Variants in ASXL2 observed in about 807,000 individuals in gnomAD.
ASXL2 encodes the protein putative Polycomb group protein ASXL2.
Under a neutral mutation model 122.0 loss-of-function variants are expected in ASXL2, and 23 were observed. That is an observed-to-expected ratio of 0.19 (90% confidence interval 0.14 to 0.27). The LOEUF is 0.27. Among genes scored for constraint, ASXL2 ranks in the 10% least tolerant of loss-of-function variants. The probability of loss-of-function intolerance (pLI) is 1.00; values close to 1 mark genes in which losing one functional copy is unlikely to be tolerated. For synonymous variants in ASXL2, 650 were observed against 637.0 expected (o/e 1.02, Z -0.31); for missense variants, 1,518 against 1,713.8 (o/e 0.89, Z 2.02).
At chr2:25,801,440 AATT>A (rs2088995196) in intron 4 of ASXL2, among the ~76,000 whole-genome samples, 1 of 152,144 alleles carries the variant, frequency 6.6e-6, no homozygotes, top group African/African-American at 2.4e-5. Flanking sequence ...TTTTCATTTA[AATT>A]TATGTCCTAG....
In ASXL2 at chr2:25,744,018, T is replaced by C; in HGVS notation, c.2319A>G (p.Leu773=). 6.2e-7 allele frequency: 1 copy of C among 1,613,958 alleles called. No homozygotes were observed. The highest frequency in any genetic ancestry group is 8.5e-7 in the Non-Finnish European group (1 of 1,179,856). The part of the protein sequence containing the change: ...AQPHSVSGAQ[L]QQTPPVPPTP... ...TTGGAGGCACTGGGGGGGTTTGCTG[T>C]AGTTGTGCTCCAGAGACACTATGAG... The change falls in exon 13 of 13, where the codon CTA becomes CTG. Residue 773 remains leucine, a synonymous_variant. Transcript: ENST00000435504. The surrounding 1 kb of genome is among the most constrained non-coding windows in gnomAD (Gnocchi z 4.7).
chr2:25,807,571 G>A (rs776544414), intron 3 of ASXL2, among the ~76,000 whole-genome samples: 2 of 151,944 alleles, frequency 1.3e-5, no homozygotes, highest in African/African-American at 2.4e-5. Context: ...CCCAAAGTTT[G>A]TATCAAATAA....
At chr2:25,840,227 G>A (rs1023122129) in intron 2 of ASXL2, among the ~76,000 whole-genome samples, 9 of 152,068 alleles carry the variant, frequency 5.9e-5, no homozygotes, top group Non-Finnish European at 8.8e-5. Flanking sequence ...AGGAATTCAC[G>A]TTTCTAATTA....
intron 5 of ASXL2, among the ~76,000 whole-genome samples, chr2:25,793,782 A>G (rs1256210107): frequency 6.6e-6 from 1 of 152,112 alleles, no homozygotes; most frequent in Non-Finnish European, 1.5e-5. Context: ...ACCAAGTGCA[A>G]TCTACTCCAA....
chr2:25,775,125 C>T (rs2088524563), intron 5 of ASXL2, among the ~76,000 whole-genome samples: 1 of 144,704 alleles, frequency 6.9e-6, no homozygotes, highest in Non-Finnish European at 1.6e-5. Context: ...ACTCAAATCT[C>T]ATCTTTTTTT....
At chr2:25,847,617 C>G (rs907213891) in intron 1 of ASXL2, among the ~76,000 whole-genome samples, 1 of 152,140 alleles carries the variant, frequency 6.6e-6, no homozygotes, top group African/African-American at 2.4e-5. Context: ...CAGAAAACTT[C>G]TATTTATTTA....
chr2:25,786,243 C>CT lies in ASXL2; in HGVS notation c.403+13141dup, dbSNP rs370316025. 4.0e-4 allele frequency among the ~76,000 whole-genome samples: 45 copies of CT among 112,420 alleles called. 1 individual carries two copies. The highest frequency in any genetic ancestry group is 5.3e-4 in the Non-Finnish European group (32 of 60,332). The allele number at this position is 112,420 out of a possible 152,430, so 73.8% of individuals were successfully genotyped here. A position where few individuals can be genotyped will look rare whatever the true frequency, so the allele number is the denominator to read the frequency against. On this transcript the variant is annotated intron_variant, in intron 5 of 12. Coordinates refer to ENST00000435504, the MANE Select transcript of ASXL2 (RefSeq NM_018263.6). ...AAACAACCTACTACTCCACATCATT[C>CT]TTTTTTTTTTTTTTTTGAGATGGAG...
chr2:25,792,158 G>C (rs1003762549), intron 5 of ASXL2, among the ~76,000 whole-genome samples: 1 of 152,046 alleles, frequency 6.6e-6, no homozygotes, highest in Non-Finnish European at 1.5e-5. Flanking sequence ...CACCACATTC[G>C]GCTAATTTTA....
intron 2 of ASXL2, among the ~76,000 whole-genome samples, chr2:25,841,317 C>T (rs2089575633): frequency 6.6e-6 from 1 of 152,090 alleles, no homozygotes; most frequent in Admixed American, 6.5e-5. Context: ...TGCCATTTGA[C>T]ACATCACGGC....
intron 5 of ASXL2, among the ~76,000 whole-genome samples, chr2:25,783,948 G>A (rs954599481): frequency 1.3e-5 from 2 of 152,002 alleles, no homozygotes; most frequent in Non-Finnish European, 2.9e-5. Context: ...CAGCTACTTG[G>A]GAGGCTGAGG....
intron 1 of ASXL2, among the ~76,000 whole-genome samples, chr2:25,876,923 TA>T (rs1379856554): frequency 6.6e-6 from 1 of 152,160 alleles, no homozygotes; most frequent in African/African-American, 2.4e-5. Flanking sequence ...CAAGACTGAA[TA>T]AACAGTATGA....
intron 3 of ASXL2, among the ~76,000 whole-genome samples, chr2:25,819,189 T>C (rs1045289173): frequency 1.1e-4 from 17 of 152,334 alleles, no homozygotes; most frequent in African/African-American, 4.1e-4. Context: ...ACCAACGCTC[T>C]GCTGCATTGC....
In ASXL2 at chr2:25,822,902, T is replaced by C. The variant is rs929746440; in HGVS notation, c.143+12636A>G. The C allele has an allele frequency of 5.5e-6, 3 of 545,200 alleles. No homozygotes were observed. The African/African-American group carries it at 5.8e-5, about 10-fold the overall frequency. The allele number at this position is 545,200 out of a possible 1,614,324, so 33.8% of individuals were successfully genotyped here. ...ATTGACCAGAAGTAGATGGAGCAGG[T>C]GATGATTCACAAGACAGCGATGATG... On this transcript the variant is annotated intron_variant, in intron 3 of 12. Transcript: ENST00000435504.
chr2:25,810,471 C>T, intron 3 of ASXL2: 1 of 732,600 alleles, frequency 1.4e-6, no homozygotes, highest in Non-Finnish European at 2.5e-6. Context: ...CACAGTCCAG[C>T]TCCTCTTCAA....
intron 1 of ASXL2, among the ~76,000 whole-genome samples, chr2:25,855,005 ACCT>A (rs1415468136): frequency 6.6e-6 from 1 of 151,870 alleles, no homozygotes; most frequent in Non-Finnish European, 1.5e-5. Flanking sequence ...TCCCTCAAGA[ACCT>A]CCTCAGCTCT....
At chr2:25,858,301 A>AG in intron 1 of ASXL2, among the ~76,000 whole-genome samples, 1 of 152,062 alleles carries the variant, frequency 6.6e-6, no homozygotes, top group Admixed American at 6.6e-5. Flanking sequence ...AAGCCAGAAA[A>AG]GGTTTCAGAA....
intron 1 of ASXL2, among the ~76,000 whole-genome samples, chr2:25,861,572 GA>G (rs1559531312): frequency 6.6e-6 from 1 of 152,102 alleles, no homozygotes; most frequent in East Asian, 1.9e-4. Flanking sequence ...ATATCTTCCA[GA>G]AAACAGAAAC....
In ASXL2 at chr2:25,743,755, G is replaced by C. The variant is rs2087887648; in HGVS notation, c.2582C>G (p.Pro861Arg). The C allele has an allele frequency of 1.9e-6, 3 of 1,613,874 alleles. No homozygotes were observed. The part of the protein sequence containing the change: ...ADGTVELKAG[P>R]SKNIPNPSAS... Reference sequence around the variant, plus strand: ...TGAAGGGTTAGGTATATTCTTACTAGGACCTGCTTTGAGCTCAACTGTGCC... The same window carrying C: ...TGAAGGGTTAGGTATATTCTTACTACGACCTGCTTTGAGCTCAACTGTGCC... The change falls in exon 13 of 13, where the codon CCT (proline) becomes CGT (arginine). Residue 861 changes from proline (P) to arginine (R), a missense_variant. This residue lies in a region of ASXL2 where 831 missense variants were observed against 833.1 expected (regional missense o/e 1.00). Transcript: ENST00000435504.
chr2:25,790,077 C>A (rs1025152622), intron 5 of ASXL2, among the ~76,000 whole-genome samples: 6 of 152,094 alleles, frequency 3.9e-5, no homozygotes, highest in Admixed American at 6.6e-5. Flanking sequence ...GGCACCCTCT[C>A]CCCCTTTTTT....
Sources: gnomAD v4.1 joint callset for allele counts (sites outside exome capture counted in the v4.1 genomes callset) on GRCh38, gnomAD v4.1.1 for gene constraint, gnomAD v4.1.1 regional missense constraint, Gnocchi (gnomAD v3.1) non-coding constraint, MANE v1.5 for transcripts, NCBI Gene and HGNC (gene_info 2026-07-23, HGNC 2026-07-21) for gene names.